EXOC2: variants seen among roughly 807,000 people sequenced by gnomAD.
EXOC2 encodes the protein SEC5-like 1.
In EXOC2, 70 loss-of-function variants were observed where a neutral mutation model predicts 131.8. That is an observed-to-expected ratio of 0.53 (90% CI 0.44 to 0.65). The LOEUF (loss-of-function observed/expected upper bound fraction) is 0.65. Among genes scored for constraint, EXOC2 ranks in the 30% least tolerant of loss-of-function variants. The pLI is 0.00. For synonymous variants in EXOC2, 411 were observed against 398.4 expected, an observed-to-expected ratio of 1.03 and a Z score of -0.38; for missense variants, 923 against 1,108.6, an observed-to-expected ratio of 0.83 and a Z score of 2.38.
In EXOC2 at chr6:537,380, C is replaced by A. The variant is rs539097710; in HGVS notation, c.2239-4770G>T. ...ACGGAGCGCACACTCGAGTTGATGG[C>A]CGACGGAGCGTACACTCGAGTTCAT... On this transcript the variant is annotated intron_variant, in intron 22 of 27. Transcript: ENST00000230449. Among the ~76,000 whole-genome samples the A allele has an allele frequency of 3.2e-4, 47 of 148,612 alleles. 1 individual carries two copies. The highest frequency in any genetic ancestry group is 1.2e-3 in the African/African-American group (47 of 40,018).
intron 25 of EXOC2, among the ~76,000 whole-genome samples, chr6:496,968 T>C (rs945879289): frequency 3.9e-5 from 6 of 152,226 alleles, no homozygotes; most frequent in African/African-American, 1.4e-4. Context: ...AATTATGTAA[T>C]TTAAACAAAA....
At chr6:686,933 A>G (rs1035705304) in intron 1 of EXOC2, among the ~76,000 whole-genome samples, 1 of 152,184 alleles carries the variant, frequency 6.6e-6, no homozygotes, top group Non-Finnish European at 1.5e-5. Flanking sequence ...AAGATACACT[A>G]CTTAATAGGA....
chr6:622,609 T>C (rs1395898740), intron 4 of EXOC2, among the ~76,000 whole-genome samples: 1 of 152,188 alleles, frequency 6.6e-6, no homozygotes, highest in Non-Finnish European at 1.5e-5. Flanking sequence ...AGCAGCTGCA[T>C]GCCCTGGAGA....
intron 23 of EXOC2, chr6:524,247 G>A (rs1297463429): frequency 1.3e-5 from 2 of 152,152 alleles, no homozygotes; most frequent in Non-Finnish European, 1.5e-5. Flanking sequence ...CTTGTGAAGA[G>A]GTCAGCATGG....
intron 13 of EXOC2, among the ~76,000 whole-genome samples, chr6:572,285 A>G (rs1758328780): frequency 6.6e-6 from 1 of 152,020 alleles, no homozygotes; most frequent in African/African-American, 2.4e-5. Context: ...CCCTACAACC[A>G]CCTTTTGAGA....
At position 506,039 on chromosome 6, in the gene EXOC2, AAGGTATTCC is replaced by A. The variant is rs1764527065; in HGVS notation, c.2381-6348_2381-6340del. ...TAAGTGCCTCGGCATACATGGAAAG[AAGGTATTCC>A]TTGGGAAAGCATACAATCTCTCGCT... On this transcript the variant is annotated intron_variant, in intron 23 of 27. Coordinates refer to ENST00000230449, the MANE Select transcript of EXOC2 (RefSeq NM_018303.6). This position sits in a 1 kb window ranked among gnomAD's most constrained non-coding sequence, Gnocchi z 4.4. Among the ~76,000 whole-genome samples, 1 of 152,236 alleles carries A rather than the reference AAGGTATTCC, an allele frequency of 6.6e-6. No individual in the cohort carries two copies. Among genetic ancestry groups the A allele is most frequent in the African/African-American group, 2.4e-5 (1 of 41,466 alleles).
At chr6:563,210 G>A (rs3765438) in intron 16 of EXOC2, among the ~76,000 whole-genome samples, 14,126 of 152,206 alleles carry the variant, frequency 0.093, 1,232 homozygotes, top group East Asian at 0.4. Flanking sequence ...TTTCTGATGA[G>A]TAATTTGGCT....
At chr6:566,403 G>A (rs536323294) in intron 13 of EXOC2, among the ~76,000 whole-genome samples, 2 of 152,314 alleles carry the variant, frequency 1.3e-5, no homozygotes, top group East Asian at 3.9e-4. Context: ...CAGCAGGTGA[G>A]CCCAGGTGGC....
At chr6:663,309 T>C (rs1256883088) in intron 1 of EXOC2, among the ~76,000 whole-genome samples, 1 of 151,982 alleles carries the variant, frequency 6.6e-6, no homozygotes, top group Non-Finnish European at 1.5e-5. Context: ...ATTAAGAAAT[T>C]ACCACCAAAG....
At chr6:511,131 C>T (rs142137393) in intron 23 of EXOC2, among the ~76,000 whole-genome samples, 218 of 152,302 alleles carry the variant, frequency 1.4e-3, no homozygotes, top group Non-Finnish European at 2.6e-3. Context: ...TGTGGCTACA[C>T]GAGTGAATGC....
intron 19 of EXOC2, 32 bp downstream of exon 19, chr6:555,922 A>G (rs111968920): frequency 6.2e-7 from 1 of 1,602,040 alleles, no homozygotes; most frequent in Admixed American, 1.7e-5. Context: ...GTATTATTTG[A>G]GGCTTTCAGC....
intron 23 of EXOC2, among the ~76,000 whole-genome samples, chr6:503,017 G>A (rs982128208): frequency 5.9e-5 from 9 of 152,302 alleles, no homozygotes; most frequent in East Asian, 5.8e-4. Flanking sequence ...GGAGTGAGGC[G>A]GAGCTCTGCG....
intron 17 of EXOC2, among the ~76,000 whole-genome samples, chr6:559,779 G>A (rs999786095): frequency 1.3e-5 from 2 of 152,228 alleles, no homozygotes; most frequent in East Asian, 3.8e-4. Flanking sequence ...CTGACCACGT[G>A]TACCCGAGGC....
chr6:566,084 T>C (rs1757950393), intron 13 of EXOC2, among the ~76,000 whole-genome samples: 1 of 152,232 alleles, frequency 6.6e-6, no homozygotes, highest in African/African-American at 2.4e-5. Context: ...TGTAGAAATA[T>C]GTTTTTGTCT....
intron 23 of EXOC2, among the ~76,000 whole-genome samples, chr6:523,940 T>G (rs560479976): frequency 1.3e-5 from 2 of 152,236 alleles, no homozygotes; most frequent in Non-Finnish European, 1.5e-5. Context: ...ATGTTTGGGG[T>G]AGTATGAAGG....
At position 666,877 on chromosome 6, in the gene EXOC2, T is replaced by A. The variant is rs190006652; in HGVS notation, c.-44+26142A>T. Among the ~76,000 whole-genome samples, 146 of 96,452 alleles carry A rather than the reference T, an allele frequency of 1.5e-3. 37 individuals carry two copies. The highest frequency in any genetic ancestry group is 4.3e-3 in the African/African-American group (138 of 32,440). The allele number at this position is 96,452 out of a possible 152,430, so 63.3% of individuals were successfully genotyped here. A position where few individuals can be genotyped will look rare whatever the true frequency, so the allele number is the denominator to read the frequency against. On this transcript the variant is annotated intron_variant, in intron 1 of 27. Transcript: ENST00000230449. Reference sequence around the variant, plus strand: ...CATGGCAATTATGTTCTTTTTTTTTTAATTTTTTTTTCAGTGGCTATCTTA... The same window carrying A: ...CATGGCAATTATGTTCTTTTTTTTTAAATTTTTTTTTCAGTGGCTATCTTA...
chr6:662,694 C>T (rs1763473823), intron 1 of EXOC2, among the ~76,000 whole-genome samples: 1 of 152,092 alleles, frequency 6.6e-6, no homozygotes, highest in Admixed American at 6.6e-5. Context: ...GCACCTGTAT[C>T]AAAAAGTCTG....
rs73371969 is a variant in EXOC2, at chr6:609,053, T to C, written c.742+1045A>G. On this transcript the variant is annotated intron_variant, in intron 7 of 27. Transcript: ENST00000230449. Reference sequence around the variant, plus strand: ...AGTAATAATAATCAGAGGAAAAAATTAAGTGCTGTTAAATTCCTAAATTTA... The same window carrying C: ...AGTAATAATAATCAGAGGAAAAAATCAAGTGCTGTTAAATTCCTAAATTTA... 6.4e-3 allele frequency among the ~76,000 whole-genome samples: 976 copies of C among 152,288 alleles called. 11 individuals are homozygous for C. Among genetic ancestry groups the C allele is most frequent in the African/African-American group, 0.022 (910 of 41,552 alleles).
chr6:500,352 A>G (rs921905846), intron 23 of EXOC2, among the ~76,000 whole-genome samples: 2 of 152,232 alleles, frequency 1.3e-5, no homozygotes. Context: ...TACAAGTTCA[A>G]TGAGCCTCAC....
Sources: gnomAD v4.1 joint callset for allele counts (sites outside exome capture counted in the v4.1 genomes callset) on GRCh38, gnomAD v4.1.1 for gene constraint, Gnocchi (gnomAD v3.1) non-coding constraint, MANE v1.5 for transcripts, NCBI Gene and HGNC (gene_info 2026-07-23, HGNC 2026-07-21) for gene names.